Variants in CSRNP3 observed in about 807,000 individuals in gnomAD.
CSRNP3 encodes cysteine/serine-rich nuclear protein 3.
CSRNP3 carries 12 observed loss-of-function variants against 48.0 expected under a neutral mutation model. That is an observed-to-expected ratio of 0.25 (90% CI 0.16 to 0.41). The LOEUF is 0.41. Ranked by LOEUF, CSRNP3 falls within the 10% of genes least tolerant of loss-of-function variation. The probability of loss-of-function intolerance (pLI) is 1.00; values close to 1 mark genes in which losing one functional copy is unlikely to be tolerated. For missense variants in CSRNP3, 580 were observed against 724.4 expected (o/e 0.80, Z 2.29); for synonymous variants, 263 against 269.7 (o/e 0.98, Z 0.24).
intron 4 of CSRNP3, among the ~76,000 whole-genome samples, chr2:165,607,317 G>T (rs1272045194): frequency 6.6e-6 from 1 of 152,130 alleles, no homozygotes; most frequent in Non-Finnish European, 1.5e-5. Flanking sequence ...GAAACTTCCA[G>T]GCCAAACTTG....
intron 6 of CSRNP3, among the ~76,000 whole-genome samples, chr2:165,677,533 C>T (rs1241411094): frequency 6.6e-6 from 1 of 151,506 alleles, no homozygotes; most frequent in East Asian, 1.9e-4. Context: ...GAGGGCAGTG[C>T]CTATCTGCTG....
chr2:165,583,914 A>C lies in CSRNP3; in HGVS notation c.-23-11129A>C, dbSNP rs766412919. Reference sequence around the variant, plus strand: ...AAGAAGGAATTCAGGGTGAGTCCACAGTGCAAAGCAAAAGAAAGTAAAGTG... The same window carrying C: ...AAGAAGGAATTCAGGGTGAGTCCACCGTGCAAAGCAAAAGAAAGTAAAGTG... On this transcript the variant is annotated intron_variant, in intron 3 of 6. Transcript: ENST00000651982. Among the ~76,000 whole-genome samples, 8 of 152,168 alleles carry C rather than the reference A, an allele frequency of 5.3e-5. 1 individual carries two copies. Among genetic ancestry groups the C allele is most frequent in the South Asian group, 4.1e-4 (2 of 4,824 alleles).
chr2:165,553,914 C>G (rs1685130758), intron 3 of CSRNP3, among the ~76,000 whole-genome samples: 1 of 152,132 alleles, frequency 6.6e-6, no homozygotes, highest in Non-Finnish European at 1.5e-5. Context: ...CCCATGTTAC[C>G]TTCCATCTAC....
intron 3 of CSRNP3, among the ~76,000 whole-genome samples, chr2:165,573,187 A>G (rs753408694): frequency 6.6e-6 from 1 of 152,090 alleles, no homozygotes; most frequent in Non-Finnish European, 1.5e-5. Context: ...TTTTCATGTT[A>G]TATTTCTTTT....
rs556099689 is a variant in CSRNP3 at position 165,627,450 on chromosome 2, C to T, written c.149-30311C>T. Among the ~76,000 whole-genome samples, 18 of 152,188 alleles carry T rather than the reference C, an allele frequency of 1.2e-4. No homozygotes were observed. In the East Asian group the frequency reaches 1.9e-3, roughly 16 times the overall value. ...AGCTTTTCTGAGTTCTTTTCTCTTTCGTTCTGGGCCCTTGAAGTAGGCATA... is the reference window on the plus strand; with the variant it reads ...AGCTTTTCTGAGTTCTTTTCTCTTTTGTTCTGGGCCCTTGAAGTAGGCATA... On this transcript the variant is annotated intron_variant, in intron 4 of 6. Coordinates refer to ENST00000651982, the MANE Select transcript of CSRNP3 (RefSeq NM_001172173.2).
At chr2:165,563,433 C>T (rs561063564) in intron 3 of CSRNP3, among the ~76,000 whole-genome samples, 2 of 152,198 alleles carry the variant, frequency 1.3e-5, no homozygotes, top group Admixed American at 1.3e-4. Flanking sequence ...CCTCATTTCC[C>T]TTTTTTTGTC....
chr2:165,645,541 C>G (rs528215877), intron 4 of CSRNP3, among the ~76,000 whole-genome samples: 8 of 152,076 alleles, frequency 5.3e-5, no homozygotes, highest in Non-Finnish European at 1.2e-4. Flanking sequence ...GAAGTGCAAG[C>G]CCAATTTTAA....
intron 2 of CSRNP3, among the ~76,000 whole-genome samples, chr2:165,516,221 G>T (rs1684581093): frequency 6.6e-6 from 1 of 152,006 alleles, no homozygotes; most frequent in Non-Finnish European, 1.5e-5. Flanking sequence ...GTAATCTCAG[G>T]ATATTCATCT....
chr2:165,515,647 G>A (rs2105230415), intron 2 of CSRNP3, among the ~76,000 whole-genome samples: 1 of 151,376 alleles, frequency 6.6e-6, no homozygotes, highest in Admixed American at 6.6e-5. Context: ...AATTTTAAAT[G>A]GTATCTTAAT....
intron 3 of CSRNP3, among the ~76,000 whole-genome samples, chr2:165,537,967 CT>C (rs1016767426): frequency 2.0e-5 from 3 of 151,212 alleles, no homozygotes; most frequent in African/African-American, 4.8e-5. Context: ...AACTACTGAG[CT>C]TTTTTTTTCC....
At chr2:165,494,496 C>A (rs1333235345) in intron 1 of CSRNP3, among the ~76,000 whole-genome samples, 1 of 151,970 alleles carries the variant, frequency 6.6e-6, no homozygotes, top group East Asian at 1.9e-4. Context: ...ACAGTTAAGC[C>A]ATATCTCCTT....
At position 165,687,533 on chromosome 2, in the gene CSRNP3, A is replaced by G. The variant is rs949781320; in HGVS notation, c.*7780A>G. ...CTTCTCATTAATCTTTCCTTGGCTT[A>G]AAATGACAAATAAGAATCCAAAGTT... is the stretch of plus-strand genomic sequence containing the variant. On this transcript the variant is annotated 3_prime_UTR_variant, in exon 7 of 7. Coordinates refer to ENST00000651982, the MANE Select transcript of CSRNP3 (RefSeq NM_001172173.2). 6 of 152,078 alleles carry G rather than the reference A, an allele frequency of 3.9e-5. No individual in the cohort carries two copies. The East Asian group carries it at 1.2e-3, about 29-fold the overall frequency. The allele number at this position is 152,078 out of a possible 1,614,324, so 9.4% of individuals were successfully genotyped here.
At chr2:165,593,998 C>A (rs1033786812) in intron 3 of CSRNP3, among the ~76,000 whole-genome samples, 1 of 152,092 alleles carries the variant, frequency 6.6e-6, no homozygotes, top group African/African-American at 2.4e-5. Context: ...ATCAAAGATA[C>A]TCTAGGAAAT....
intron 3 of CSRNP3, among the ~76,000 whole-genome samples, chr2:165,593,392 A>G (rs1685755032): frequency 6.6e-6 from 1 of 152,210 alleles, no homozygotes; most frequent in South Asian, 2.1e-4. Context: ...GGCTTCACAA[A>G]GTAAAGAGTG....
intron 3 of CSRNP3, among the ~76,000 whole-genome samples, chr2:165,576,173 G>A (rs1305259916): frequency 6.6e-6 from 1 of 150,602 alleles, no homozygotes; most frequent in Non-Finnish European, 1.5e-5. Flanking sequence ...ATATATGTAT[G>A]TTATACATAT....
chr2:165,564,911 A>G (rs1456416585), intron 3 of CSRNP3, among the ~76,000 whole-genome samples: 23 of 152,086 alleles, frequency 1.5e-4, no homozygotes, highest in Admixed American at 1.5e-3. Context: ...CATAGAATAT[A>G]GTAAATTGGA....
chr2:165,541,577 CA>C (rs1684957988), intron 3 of CSRNP3, among the ~76,000 whole-genome samples: 1 of 152,124 alleles, frequency 6.6e-6, no homozygotes, highest in African/African-American at 2.4e-5. Flanking sequence ...GAGGGACAGC[CA>C]ACCCAGGTGA....
chr2:165,671,322 G>T (rs776788214), intron 5 of CSRNP3, among the ~76,000 whole-genome samples: 2 of 152,202 alleles, frequency 1.3e-5, no homozygotes, highest in African/African-American at 4.8e-5. Flanking sequence ...GAATACCACT[G>T]TGAATGAAGA....
At chr2:165,486,204 G>T (rs1042046402) in intron 1 of CSRNP3, among the ~76,000 whole-genome samples, 3 of 152,134 alleles carry the variant, frequency 2.0e-5, no homozygotes, top group Admixed American at 6.5e-5. Context: ...GGAAAATCGG[G>T]TCACTCCCAC....
Sources: gnomAD v4.1 joint callset for allele counts (sites outside exome capture counted in the v4.1 genomes callset) on GRCh38, gnomAD v4.1.1 for gene constraint, MANE v1.5 for transcripts, NCBI Gene and HGNC (gene_info 2026-07-23, HGNC 2026-07-21) for gene names.